Variants in PAG1 observed in about 807,000 individuals in gnomAD.
The protein encoded by PAG1 is phosphoprotein membrane anchor with glycosphingolipid microdomains 1.
PAG1 carries 23 observed loss-of-function variants against 31.7 expected under a neutral mutation model. That is an observed-to-expected ratio of 0.73 (90% CI 0.52 to 1.03). PAG1 has a LOEUF of 1.03. PAG1 is among the 50% of genes least tolerant of loss of function. The pLI is 0.00. For synonymous variants in PAG1, 214 were observed against 210.3 expected (o/e 1.02, Z -0.15); for missense variants, 473 against 540.7 (o/e 0.87, Z 1.24).
chr8:81,008,083 TAA>T (rs5892753), intron 3 of PAG1, among the ~76,000 whole-genome samples: 72,929 of 151,944 alleles, frequency 0.48, 20,709 homozygotes, highest in Non-Finnish European at 0.63. Flanking sequence ...TCCATCGGAT[TAA>T]ATAATATAAG....
intron 2 of PAG1, among the ~76,000 whole-genome samples, chr8:81,033,411 G>A (rs1409463253): frequency 2.0e-5 from 3 of 152,130 alleles, no homozygotes; most frequent in East Asian, 3.9e-4. Context: ...AGATAATTAG[G>A]TTATCAGGGT....
intron 2 of PAG1, among the ~76,000 whole-genome samples, chr8:81,034,920 G>C (rs1000712795): frequency 7.9e-5 from 12 of 152,174 alleles, no homozygotes; most frequent in African/African-American, 2.9e-4. Flanking sequence ...CAAGAGCAGA[G>C]TAGAAGAGCC....
chr8:81,056,445 A>C (rs1193386162), intron 2 of PAG1, among the ~76,000 whole-genome samples: 2 of 152,116 alleles, frequency 1.3e-5, no homozygotes, highest in African/African-American at 4.8e-5. Flanking sequence ...TCTTTGACAA[A>C]CCTGACAAAA....
At chr8:81,076,592 TC>T (rs1391983592) in intron 1 of PAG1, among the ~76,000 whole-genome samples, 6 of 152,146 alleles carry the variant, frequency 3.9e-5, no homozygotes, top group African/African-American at 1.4e-4. Context: ...AAACTGACCT[TC>T]CCATTTCCAA....
At chr8:81,082,252 CA>C (rs748117144) in intron 1 of PAG1, among the ~76,000 whole-genome samples, 3,405 of 48,072 alleles carry the variant, frequency 0.071, 52 homozygotes, top group African/African-American at 0.19. Context: ...GACTCTGTCT[CA>C]AAAAAAAAAA....
intron 3 of PAG1, among the ~76,000 whole-genome samples, chr8:81,016,161 C>A (rs886306613): frequency 6.6e-6 from 1 of 152,164 alleles, no homozygotes; most frequent in African/African-American, 2.4e-5. Context: ...GAACCTCCAA[C>A]CTAAGATGGC....
chr8:81,024,012 A>T (rs1808232541), intron 3 of PAG1, among the ~76,000 whole-genome samples: 1 of 152,154 alleles, frequency 6.6e-6, no homozygotes, highest in Non-Finnish European at 1.5e-5. Flanking sequence ...ATAAAAACTA[A>T]TTAAAGCCCC....
At chr8:81,110,537 C>G (rs1809757283) in intron 1 of PAG1, among the ~76,000 whole-genome samples, 1 of 152,192 alleles carries the variant, frequency 6.6e-6, no homozygotes, top group South Asian at 2.1e-4. Context: ...ACCTATAAAT[C>G]ATGCTCTTTG....
At chr8:81,085,644 T>C (rs1301125993) in intron 1 of PAG1, among the ~76,000 whole-genome samples, 2 of 152,230 alleles carry the variant, frequency 1.3e-5, no homozygotes, top group Non-Finnish European at 2.9e-5. Context: ...TAGGATTTTG[T>C]GAGGACTTAT....
chr8:81,098,266 T>C (rs1809557714), intron 1 of PAG1, among the ~76,000 whole-genome samples: 1 of 152,204 alleles, frequency 6.6e-6, no homozygotes, highest in Non-Finnish European at 1.5e-5. Context: ...ATTAGGCAAA[T>C]TACATAAGAT....
intron 7 of PAG1, among the ~76,000 whole-genome samples, chr8:80,983,084 G>T (rs1024371731): frequency 6.6e-6 from 1 of 152,122 alleles, no homozygotes; most frequent in Non-Finnish European, 1.5e-5. Flanking sequence ...ATCGAGCTCT[G>T]GTTCTCTTTC....
chr8:81,067,330 A>G (rs1409532962), intron 2 of PAG1: 1 of 152,198 alleles, frequency 6.6e-6, no homozygotes, highest in Non-Finnish European at 1.5e-5. Context: ...TATATGCTTT[A>G]TAGTTCAGAA....
intron 2 of PAG1, among the ~76,000 whole-genome samples, chr8:81,060,232 T>C (rs1417200976): frequency 6.6e-6 from 1 of 152,206 alleles, no homozygotes; most frequent in African/African-American, 2.4e-5. Flanking sequence ...TTCAGGCATC[T>C]AGCTTTTTTA....
chr8:81,076,927 A>G (rs1809188133), intron 1 of PAG1, among the ~76,000 whole-genome samples: 1 of 152,236 alleles, frequency 6.6e-6, no homozygotes, highest in Non-Finnish European at 1.5e-5. Flanking sequence ...TTAGGCACTT[A>G]AAGAGTTTTT....
At chr8:81,058,257 G>A (rs910841724) in intron 2 of PAG1, among the ~76,000 whole-genome samples, 3 of 152,134 alleles carry the variant, frequency 2.0e-5, no homozygotes, top group Admixed American at 2.0e-4. Context: ...AACAACAGCA[G>A]CACAAAGAAA....
At position 80,974,145 on chromosome 8, in the gene PAG1, A is replaced by G. The variant is rs1807133516; in HGVS notation, c.*2399T>C. The G allele has an allele frequency of 2.8e-5, 4 of 142,810 alleles. No homozygotes were observed. The highest frequency in any genetic ancestry group is 1.1e-4 in the African/African-American group (4 of 37,748). The allele number at this position is 142,810 out of a possible 1,614,324, so 8.8% of individuals were successfully genotyped here. A position where few individuals can be genotyped will look rare whatever the true frequency, so the allele number is the denominator to read the frequency against. ...TGACATGATTATTTATGAGCTTTCT[A>G]TAAAAAGTTTTTTTTTTTTTTTTTT... is the stretch of plus-strand genomic sequence containing the variant. On this transcript the variant is annotated 3_prime_UTR_variant, in exon 9 of 9. Transcript: ENST00000220597.
intron 4 of PAG1, 143 bp from the exon 5 acceptor site, chr8:80,991,673 CAG>C: frequency 1.4e-6 from 1 of 702,486 alleles, no homozygotes; most frequent in Non-Finnish European, 2.6e-6. Context: ...AAGACAAAAT[CAG>C]ACAGTGATTT....
At chr8:81,012,679 A>G (rs978970769) in intron 3 of PAG1, among the ~76,000 whole-genome samples, 1 of 152,236 alleles carries the variant, frequency 6.6e-6, no homozygotes, top group Non-Finnish European at 1.5e-5. Flanking sequence ...TAACTAAAAT[A>G]AAGAAATAAT....
intron 1 of PAG1, among the ~76,000 whole-genome samples, chr8:81,081,743 T>C (rs1031159338): frequency 1.3e-5 from 2 of 152,240 alleles, no homozygotes; most frequent in Admixed American, 6.5e-5. Context: ...CACTAGCTGC[T>C]GCATATATCA....
Sources: gnomAD v4.1 joint callset for allele counts (sites outside exome capture counted in the v4.1 genomes callset) on GRCh38, gnomAD v4.1.1 for gene constraint, MANE v1.5 for transcripts, NCBI Gene and HGNC (gene_info 2026-07-23, HGNC 2026-07-21) for gene names.